The following SLFN11 variants were observed in gnomAD, a reference collection of about 807,000 sequenced individuals.
SLFN11 encodes the protein schlafen family member 11.
SLFN11 carries 43 observed loss-of-function variants against 53.4 expected under a neutral mutation model. The ratio of observed to expected loss-of-function variants is 0.80; its 90% CI spans 0.63 to 1.04. SLFN11 has a LOEUF of 1.04. SLFN11 is among the 50% of genes least tolerant of loss of function. The pLI is 0.00. For synonymous variants in SLFN11, 389 were observed against 394.7 expected (o/e 0.99, Z 0.17); for missense variants, 990 against 1,079.1 (o/e 0.92, Z 1.16).
intron 1 of SLFN11, among the ~76,000 whole-genome samples, chr17:35,369,468 A>G (rs1909385396): frequency 6.6e-6 from 1 of 152,092 alleles, no homozygotes; most frequent in Non-Finnish European, 1.5e-5. Flanking sequence ...GTAGACTTCT[A>G]AGGTTTTCTT....
At chr17:35,367,200 G>C (rs1244152141) in intron 2 of SLFN11, 137 bp from the exon 3 acceptor site, 1 of 151,952 alleles carries the variant, frequency 6.6e-6, no homozygotes, top group African/African-American at 2.4e-5. Flanking sequence ...TCTTTGTCAA[G>C]TTATTTGTAA....
At chr17:35,360,892 C>T (rs888595927) in intron 4 of SLFN11, among the ~76,000 whole-genome samples, 7 of 152,092 alleles carry the variant, frequency 4.6e-5, no homozygotes, top group Non-Finnish European at 7.4e-5. Flanking sequence ...ATCACTTGAG[C>T]CCAGGAGTTC....
chr17:35,352,265 T>A lies in SLFN11; in HGVS notation c.*91A>T, dbSNP rs1232536461. On this transcript the variant is annotated 3_prime_UTR_variant, in exon 7 of 7. Coordinates refer to ENST00000685675, the MANE Select transcript of SLFN11 (RefSeq NM_001376007.1). ...ACTCTTTGTGTCAGCTCCGTCCAAA[T>A]CTCTGACTTGTGAACTAAAAAGAAA... The A allele has an allele frequency of 4.0e-6, 6 of 1,495,274 alleles. No individual in the cohort carries two copies. The highest frequency in any genetic ancestry group is 5.5e-6 in the Non-Finnish European group (6 of 1,100,230). 92.6% of individuals were successfully genotyped at this position (1,495,274 alleles called of 1,614,324 possible).
chr17:35,352,217 A>C lies in SLFN11; in HGVS notation c.*139T>G. The stretch of plus-strand genomic sequence containing the variant: ...TTGGGGAAGGAACCCCTGAAAGGAG[A>C]GCCAGAAATGGGGGAGCTCCAAACT... On this transcript the variant is annotated 3_prime_UTR_variant, in exon 7 of 7. Transcript: ENST00000685675. The C allele has an allele frequency of 1.8e-6, 2 of 1,108,678 alleles. No individual in the cohort carries two copies. The highest frequency in any genetic ancestry group is 1.6e-5 in the South Asian group (1 of 63,554). The allele number at this position is 1,108,678 out of a possible 1,614,324, so 68.7% of individuals were successfully genotyped here. A position where few individuals can be genotyped will look rare whatever the true frequency, so the allele number is the denominator to read the frequency against.
chr17:35,354,140 A>T, intron 5 of SLFN11, 81 bp from the exon 6 acceptor site: 1 of 1,211,180 alleles, frequency 8.3e-7, no homozygotes, highest in Non-Finnish European at 1.1e-6. Flanking sequence ...TAACTAATTG[A>T]TTAACTAAAT....
At chr17:35,369,618 C>A (rs1384252909) in intron 1 of SLFN11, among the ~76,000 whole-genome samples, 1 of 152,036 alleles carries the variant, frequency 6.6e-6, no homozygotes, top group Non-Finnish European at 1.5e-5. Context: ...ATTGACAAAC[C>A]TTTACCAGGC....
In SLFN11 at chr17:35,352,770, A is replaced by G; in HGVS notation, c.2292T>C (p.Phe764=). ...CACCCTGGGACCATTCGGCTTCAGG[A>G]AATACCTCGAGGCACCCAGTGGGGA... ...FNIPTGCLEV[F]PEAEWSQGVQ... The change falls in exon 7 of 7, where the codon TTT becomes TTC. Residue 764 remains phenylalanine, a synonymous_variant. Coordinates refer to ENST00000685675, the MANE Select transcript of SLFN11 (RefSeq NM_001376007.1). 1.2e-6 allele frequency: 2 copies of G among 1,614,230 alleles called. No homozygotes were observed. The highest frequency in any genetic ancestry group is 2.2e-5 in the East Asian group (1 of 44,890).
Position 35,357,685 on chromosome 17 carries a change from ACT to A in SLFN11, c.1198+2556_1198+2557del, listed in dbSNP as rs370874584. Among the ~76,000 whole-genome samples, 1,137 of 146,292 alleles carry A rather than the reference ACT, an allele frequency of 7.8e-3. 13 individuals are homozygous for A. The highest frequency in any genetic ancestry group is 0.036 in the South Asian group (169 of 4,750). ...TTTGGTCTAATTATATGACAATACA[ACT>A]CTTTTTATTATTTATATATATAATA... On this transcript the variant is annotated intron_variant, in intron 5 of 6. Coordinates refer to ENST00000685675, the MANE Select transcript of SLFN11 (RefSeq NM_001376007.1).
At position 35,351,124 on chromosome 17, in the gene SLFN11, C is replaced by T. The variant is rs1906619223; in HGVS notation, c.*1232G>A. ...AGTCCAAGACAGAGTCCAAGACTCT[C>T]GCCAGCAGCGAGAGTTTGATTGTGA... On this transcript the variant is annotated 3_prime_UTR_variant, in exon 7 of 7. Coordinates refer to ENST00000685675, the MANE Select transcript of SLFN11 (RefSeq NM_001376007.1). The T allele has an allele frequency of 1.3e-5, 2 of 152,342 alleles. No individual in the cohort carries two copies. Among genetic ancestry groups the T allele is most frequent in the African/African-American group, 4.8e-5 (2 of 41,562 alleles). 9.4% of individuals were successfully genotyped at this position (152,342 alleles called of 1,614,324 possible). A position where few individuals can be genotyped will look rare whatever the true frequency, so the allele number is the denominator to read the frequency against.
In SLFN11 at chr17:35,363,451, G is replaced by A; in HGVS notation, c.357C>T (p.Arg119=). The A allele has an allele frequency of 6.2e-7, 1 of 1,613,954 alleles. No individual in the cohort carries two copies. The highest frequency in any genetic ancestry group is 8.5e-7 in the Non-Finnish European group (1 of 1,179,962). ...SWSSGPFPED[R]SVKPRLCSLS... ...GGCTGCAAAGGCGGGGCTTGACAGA[G>A]CGATCTTCAGGGAAAGGGCCACTGC... Residue 119 remains arginine, a synonymous_variant, in exon 4 of 7, where the codon CGC becomes CGT. Transcript: ENST00000685675.
chr17:35,359,523 T>G (rs772449486), intron 5 of SLFN11, among the ~76,000 whole-genome samples: 13 of 152,140 alleles, frequency 8.5e-5, no homozygotes, highest in Non-Finnish European at 1.6e-4. Context: ...TCTCTGGGAT[T>G]CTACAAAGAC....
chr17:35,362,536 T>C (rs950469605), intron 4 of SLFN11, among the ~76,000 whole-genome samples: 4 of 152,138 alleles, frequency 2.6e-5, no homozygotes, highest in Non-Finnish European at 5.9e-5. Context: ...TGTAGAAAAT[T>C]GGCCATTTAT....
intron 5 of SLFN11, among the ~76,000 whole-genome samples, chr17:35,354,748 A>G (rs552057719): frequency 6.6e-6 from 1 of 152,170 alleles, no homozygotes; most frequent in African/African-American, 2.4e-5. Flanking sequence ...TTGGAGGATT[A>G]TGAACTTATT....
At chr17:35,364,140 G>A (rs1274833588) in intron 3 of SLFN11, among the ~76,000 whole-genome samples, 1 of 152,138 alleles carries the variant, frequency 6.6e-6, no homozygotes, top group African/African-American at 2.4e-5. Flanking sequence ...AATTGGCCAG[G>A]TGAAGTTATC....
Position 35,352,496 on chromosome 17 carries a change from G to A in SLFN11, c.2566C>T (p.Arg856Ter), listed in dbSNP as rs150159511. 5.6e-6 allele frequency: 9 copies of A among 1,613,970 alleles called. No individual in the cohort carries two copies. Among genetic ancestry groups the A allele is most frequent in the Admixed American group, 1.7e-5 (1 of 59,992 alleles). Residue 856 changes from arginine to a stop codon, truncating the protein, a stop_gained, in exon 7 of 7, where the codon CGA becomes TGA. Coordinates refer to ENST00000685675, the MANE Select transcript of SLFN11 (RefSeq NM_001376007.1). LOFTEE classifies it low-confidence loss of function (END_TRUNC). ...ATGCTCCTTTCCAGGCCTGAGAATC[G>A]CCGAACACTGTCCAACACAATGTGA... ...GDHIVLDSVR[R>*]FSGLERSIVF...
intron 3 of SLFN11, among the ~76,000 whole-genome samples, chr17:35,366,550 A>T (rs1908981392): frequency 6.6e-6 from 1 of 152,136 alleles, no homozygotes; most frequent in Admixed American, 6.5e-5. Context: ...CAATCAGTAA[A>T]TTCATAAACT....
At chr17:35,361,730 T>C (rs1908244214) in intron 4 of SLFN11, among the ~76,000 whole-genome samples, 2 of 151,560 alleles carry the variant, frequency 1.3e-5, no homozygotes, top group African/African-American at 4.8e-5. Context: ...TATAAGGTGA[T>C]AGCAAACTTC....
chr17:35,359,981 GC>G, intron 5 of SLFN11: 1 of 343,498 alleles, frequency 2.9e-6, no homozygotes, highest in Non-Finnish European at 5.3e-6. Context: ...CTGATGATCA[GC>G]CAGATTTGGG....
Position 35,351,941 on chromosome 17 carries a change from C to T in SLFN11, c.*415G>A, listed in dbSNP as rs1217929038. 3 of 179,366 alleles carry T rather than the reference C, an allele frequency of 1.7e-5. No homozygotes were observed. Among genetic ancestry groups the T allele is most frequent in the Admixed American group, 5.5e-5 (1 of 18,298 alleles). 11.1% of individuals were successfully genotyped at this position (179,366 alleles called of 1,614,324 possible). Reference sequence around the variant, plus strand: ...GCCAGTAAGCTCCTAACAGACCATGCTTCTGCAGAAAACGATTCTGGACAA... The same window carrying T: ...GCCAGTAAGCTCCTAACAGACCATGTTTCTGCAGAAAACGATTCTGGACAA... On this transcript the variant is annotated 3_prime_UTR_variant, in exon 7 of 7. Transcript: ENST00000685675.
Sources: gnomAD v4.1 joint callset for allele counts (sites outside exome capture counted in the v4.1 genomes callset) on GRCh38, gnomAD v4.1.1 for gene constraint, MANE v1.5 for transcripts, NCBI Gene and HGNC (gene_info 2026-07-23, HGNC 2026-07-21) for gene names.